Variants in QKI observed in about 807,000 individuals in gnomAD.
The protein encoded by QKI is QKI, KH domain containing RNA binding.
In QKI, 10 loss-of-function variants were observed where a neutral mutation model predicts 39.0. The observed-to-expected ratio is 0.26, with a 90% CI of 0.16 to 0.43. The LOEUF is 0.43. Ranked by LOEUF, QKI falls within the 20% of genes least tolerant of loss-of-function variation. QKI has a pLI of 1.00. For missense variants in QKI, 218 were observed against 428.0 expected, an observed-to-expected ratio of 0.51 and a Z score of 4.33; for synonymous variants, 204 against 155.4, an observed-to-expected ratio of 1.31 and a Z score of -2.33.
intron 3 of QKI, among the ~76,000 whole-genome samples, chr6:163,507,173 A>G (rs1298081121): frequency 6.6e-6 from 1 of 152,180 alleles, no homozygotes; most frequent in Non-Finnish European, 1.5e-5. Context: ...TGGTTGCAGG[A>G]GGACTGGAGA....
intron 1 of QKI, among the ~76,000 whole-genome samples, chr6:163,417,903 C>T (rs1787660024): frequency 6.6e-6 from 1 of 152,234 alleles, no homozygotes; most frequent in Non-Finnish European, 1.5e-5. Context: ...GTGGAATAAG[C>T]GGCTTCCTGT....
chr6:163,509,488 G>A (rs1393466805), intron 3 of QKI, among the ~76,000 whole-genome samples: 2 of 148,608 alleles, frequency 1.3e-5, no homozygotes, highest in African/African-American at 2.5e-5. Flanking sequence ...AGGGGGGGGG[G>A]AATAGTATTG....
At chr6:163,433,626 G>A (rs1195988533) in intron 1 of QKI, among the ~76,000 whole-genome samples, 2 of 152,090 alleles carry the variant, frequency 1.3e-5, no homozygotes, top group African/African-American at 4.8e-5. Context: ...AATTAGCCGG[G>A]TGTGGTGGCA....
chr6:163,467,339 G>T (rs1046090490), intron 2 of QKI, among the ~76,000 whole-genome samples: 1 of 152,218 alleles, frequency 6.6e-6, no homozygotes, highest in Non-Finnish European at 1.5e-5. Context: ...TCACTAAATT[G>T]TAAGTTGTAT....
chr6:163,414,828 C>A lies in QKI; in HGVS notation c.-366C>A. On this transcript the variant is annotated 5_prime_UTR_variant, in exon 1 of 8. Coordinates refer to ENST00000361752, the MANE Select transcript of QKI (RefSeq NM_006775.3). ...GCGGCGCTGAGCGGGCTCGACCAGC[C>A]GAGCGAGCGGCGGCCCCGGCTCCTC... The A allele has an allele frequency of 6.9e-6, 1 of 144,006 alleles. No homozygotes were observed. The highest frequency in any genetic ancestry group is 2.1e-4 in the South Asian group (1 of 4,748). The allele number at this position is 144,006 out of a possible 1,614,324, so 8.9% of individuals were successfully genotyped here.
At chr6:163,503,899 C>T (rs374384249) in intron 3 of QKI, among the ~76,000 whole-genome samples, 6 of 151,830 alleles carry the variant, frequency 4.0e-5, no homozygotes, top group Admixed American at 6.6e-5. Context: ...ACCACCACAC[C>T]GGGCTAATTT....
intron 1 of QKI, among the ~76,000 whole-genome samples, chr6:163,429,395 A>T (rs193089589): frequency 0.013 from 1,911 of 152,110 alleles, 42 homozygotes; most frequent in African/African-American, 0.043. Flanking sequence ...TACGGTTTTT[A>T]AAAAAAATTA....
intron 3 of QKI, among the ~76,000 whole-genome samples, chr6:163,490,790 A>G (rs191860970): frequency 2.6e-5 from 4 of 152,336 alleles, no homozygotes; most frequent in Admixed American, 2.0e-4. Flanking sequence ...AGAGATGGAC[A>G]GAAGTGGGAA....
rs1783698509 is a variant in QKI at position 163,571,502 on chromosome 6, G to A, written c.*792G>A. 1 of 151,992 alleles carries A rather than the reference G, an allele frequency of 6.6e-6. No individual in the cohort carries two copies. The allele number at this position is 151,992 out of a possible 1,614,324, so 9.4% of individuals were successfully genotyped here. On this transcript the variant is annotated 3_prime_UTR_variant, in exon 8 of 8. Coordinates refer to ENST00000361752, the MANE Select transcript of QKI (RefSeq NM_006775.3). ...TCACATTACTGGGCAAACTGTTCAA[G>A]TATTTTTTTTTAAACCTCCCTGTAT...
intron 7 of QKI, 108 bp downstream of exon 7, chr6:163,566,903 T>G (rs1372157839): frequency 3.9e-5 from 58 of 1,479,230 alleles, no homozygotes; most frequent in Non-Finnish European, 4.6e-5. Context: ...GCACACAGTT[T>G]TTTTTCCTTT....
chr6:163,485,607 CA>C (rs1583073750), intron 3 of QKI, among the ~76,000 whole-genome samples: 1 of 152,280 alleles, frequency 6.6e-6, no homozygotes. Flanking sequence ...AATAAGTAGC[CA>C]TGCTTGTGGG....
At chr6:163,513,683 A>G (rs1779626763) in intron 3 of QKI, among the ~76,000 whole-genome samples, 1 of 152,064 alleles carries the variant, frequency 6.6e-6, no homozygotes, top group East Asian at 1.9e-4. Flanking sequence ...CTCCTCTAGA[A>G]TTTCTTCCCA....
intron 7 of QKI, chr6:163,567,786 C>T: frequency 2.0e-6 from 2 of 985,110 alleles, no homozygotes; most frequent in Non-Finnish European, 2.4e-6. Context: ...TTAAATTGAT[C>T]AAAGTCTCAA....
chr6:163,501,158 A>G (rs1462907089), intron 3 of QKI, among the ~76,000 whole-genome samples: 1 of 152,142 alleles, frequency 6.6e-6, no homozygotes, highest in Non-Finnish European at 1.5e-5. Flanking sequence ...AAATACTCAG[A>G]TGGATAATGT....
intron 4 of QKI, among the ~76,000 whole-genome samples, chr6:163,549,660 C>T (rs919785803): frequency 8.6e-5 from 13 of 151,984 alleles, no homozygotes; most frequent in African/African-American, 2.9e-4. Context: ...TGCAGTGAGC[C>T]GAGATCGTGC....
intron 3 of QKI, among the ~76,000 whole-genome samples, chr6:163,512,235 G>A (rs1779528680): frequency 6.6e-6 from 1 of 151,948 alleles, no homozygotes; most frequent in South Asian, 2.1e-4. Context: ...AATATACTCA[G>A]CAGTAAAATT....
chr6:163,559,330 T>A (rs1212559460), intron 4 of QKI, among the ~76,000 whole-genome samples: 1 of 152,226 alleles, frequency 6.6e-6, no homozygotes, highest in African/African-American at 2.4e-5. Context: ...TTTCTTTTTT[T>A]ATGTAGAGTA....
chr6:163,435,695 A>G (rs1295374723), intron 1 of QKI, among the ~76,000 whole-genome samples: 1 of 152,162 alleles, frequency 6.6e-6, no homozygotes, highest in Non-Finnish European at 1.5e-5. Flanking sequence ...GCCTAATGAA[A>G]TCCATTTGCC....
chr6:163,556,250 C>CGA (rs1782599473), intron 4 of QKI, among the ~76,000 whole-genome samples: 1 of 152,122 alleles, frequency 6.6e-6, no homozygotes, highest in South Asian at 2.1e-4. Context: ...CAGTGGCTCA[C>CGA]GCCTGTAGTC....
Sources: allele counts gnomAD v4.1 joint callset (sites outside exome capture counted in the v4.1 genomes callset), GRCh38; gene constraint gnomAD v4.1.1; transcripts MANE v1.5; gene names NCBI Gene and HGNC (gene_info 2026-07-23, HGNC 2026-07-21).